MACROD2: variants seen among roughly 807,000 people sequenced by gnomAD.
MACROD2 encodes the protein ADP-ribose glycohydrolase MACROD2.
In MACROD2, 36 loss-of-function variants were observed where a neutral mutation model predicts 70.4. The ratio of observed to expected loss-of-function variants is 0.51; its 90% CI spans 0.39 to 0.68. MACROD2 has a LOEUF of 0.68. Among genes scored for constraint, MACROD2 ranks in the 30% least tolerant of loss-of-function variants. The probability of loss-of-function intolerance (pLI) is 0.00; values close to 1 mark genes in which losing one functional copy is unlikely to be tolerated. For synonymous variants in MACROD2, 172 were observed against 178.8 expected, an observed-to-expected ratio of 0.96 and a Z score of 0.30; for missense variants, 496 against 538.4, an observed-to-expected ratio of 0.92 and a Z score of 0.78.
chr20:14,720,536 C>CTTTT (rs753673265), intron 5 of MACROD2, among the ~76,000 whole-genome samples: 550 of 35,930 alleles, frequency 0.015, 146 homozygotes, highest in African/African-American at 0.038. Flanking sequence ...TGCCCCACAA[C>CTTTT]TTTTTTTTTT....
At chr20:14,482,845 G>T (rs1362636095) in intron 3 of MACROD2, among the ~76,000 whole-genome samples, 1 of 152,244 alleles carries the variant, frequency 6.6e-6, no homozygotes, top group African/African-American at 2.4e-5. Context: ...TATGGAACTT[G>T]GCTTCTCTTA....
intron 3 of MACROD2, among the ~76,000 whole-genome samples, chr20:14,461,305 T>C (rs929651262): frequency 6.6e-6 from 1 of 152,074 alleles, no homozygotes; most frequent in Non-Finnish European, 1.5e-5. Flanking sequence ...GTCTATTTGA[T>C]TCTTCTGTCT....
At chr20:15,260,425 A>C (rs931336258) in intron 6 of MACROD2, among the ~76,000 whole-genome samples, 1 of 151,748 alleles carries the variant, frequency 6.6e-6, no homozygotes, top group Non-Finnish European at 1.5e-5. Context: ...ACTTAATAGA[A>C]TGTCCTCCAG....
chr20:14,179,470 G>A (rs62208176), intron 3 of MACROD2, among the ~76,000 whole-genome samples: 1 of 151,942 alleles, frequency 6.6e-6, no homozygotes, highest in Non-Finnish European at 1.5e-5. Flanking sequence ...TTCATTGTTA[G>A]CAGATAAATG....
intron 8 of MACROD2, among the ~76,000 whole-genome samples, chr20:15,735,216 C>T (rs1381604168): frequency 6.6e-6 from 1 of 152,150 alleles, no homozygotes; most frequent in East Asian, 1.9e-4. Context: ...TTGCCTCGGC[C>T]TCCCAAAGTG....
intron 5 of MACROD2, among the ~76,000 whole-genome samples, chr20:14,917,650 T>TA (rs1194205004): frequency 1.3e-5 from 2 of 151,432 alleles, no homozygotes; most frequent in African/African-American, 4.9e-5. Flanking sequence ...CAAACAGCAA[T>TA]AACATTGAGA....
intron 6 of MACROD2, among the ~76,000 whole-genome samples, chr20:15,414,119 T>A (rs982885286): frequency 1.3e-5 from 2 of 152,132 alleles, no homozygotes; most frequent in Non-Finnish European, 1.5e-5. Context: ...TTTCTTTCAC[T>A]TTTACTGCCA....
intron 5 of MACROD2, among the ~76,000 whole-genome samples, chr20:14,761,803 C>T (rs570070576): frequency 4.6e-5 from 7 of 152,220 alleles, no homozygotes; most frequent in Non-Finnish European, 8.8e-5. Flanking sequence ...TTGTAGTCCC[C>T]GCACATAAAC....
At chr20:14,001,577 A>G (rs2052733280) in intron 1 of MACROD2, among the ~76,000 whole-genome samples, 1 of 152,124 alleles carries the variant, frequency 6.6e-6, no homozygotes, top group Non-Finnish European at 1.5e-5. Context: ...CAGTTGCTGT[A>G]AAGAAATGCC....
chr20:15,820,536 A>G (rs2063928577), intron 8 of MACROD2, among the ~76,000 whole-genome samples: 2 of 152,150 alleles, frequency 1.3e-5, no homozygotes, highest in Admixed American at 1.3e-4. Flanking sequence ...TTTTTAGAAG[A>G]TGGGCTGTGT....
At chr20:15,296,801 G>A (rs2077593874) in intron 6 of MACROD2, among the ~76,000 whole-genome samples, 1 of 152,196 alleles carries the variant, frequency 6.6e-6, no homozygotes, top group Non-Finnish European at 1.5e-5. Context: ...CAAATAAATG[G>A]CAACTCCATA....
chr20:15,250,681 C>T (rs2077147746), intron 6 of MACROD2, among the ~76,000 whole-genome samples: 1 of 152,150 alleles, frequency 6.6e-6, no homozygotes, highest in African/African-American at 2.4e-5. Context: ...GGGGGATCTT[C>T]CTTCTCCCTT....
chr20:14,032,150 AT>A (rs2053253272), intron 2 of MACROD2, among the ~76,000 whole-genome samples: 1 of 151,834 alleles, frequency 6.6e-6, no homozygotes, highest in African/African-American at 2.4e-5. Context: ...TGATGATCTC[AT>A]TATTTTTTAA....
At chr20:14,451,540 A>C (rs1600250295) in intron 3 of MACROD2, among the ~76,000 whole-genome samples, 1 of 152,170 alleles carries the variant, frequency 6.6e-6, no homozygotes, top group African/African-American at 2.4e-5. Context: ...AATGCAGAAC[A>C]TGTGCCTTGG....
rs922957002 is a variant in MACROD2, at chr20:15,444,389, C to T, written c.571+12954C>T. On this transcript the variant is annotated intron_variant, in intron 7 of 17. Coordinates refer to ENST00000684519, the MANE Select transcript of MACROD2 (RefSeq NM_001351661.2). ...AAGCATAATTACATCGCTAAATATA[C>T]GCACTATAAATGTAAAACAGTGGTG... Among the ~76,000 whole-genome samples the T allele has an allele frequency of 4.6e-5, 7 of 152,256 alleles. No individual in the cohort carries two copies. The East Asian group carries it at 5.8e-4, about 13-fold the overall frequency.
intron 8 of MACROD2, among the ~76,000 whole-genome samples, chr20:15,516,056 T>G (rs1005517341): frequency 2.0e-5 from 3 of 152,214 alleles, no homozygotes; most frequent in African/African-American, 7.2e-5. Flanking sequence ...CCTGCTTTGC[T>G]TTCTCTTTTC....
chr20:14,228,252 A>G (rs1247731086), intron 3 of MACROD2, among the ~76,000 whole-genome samples: 1 of 151,900 alleles, frequency 6.6e-6, no homozygotes. Context: ...ACAATTAGGG[A>G]ATCTGGAAGT....
chr20:14,991,435 A>T (rs1317887479), intron 5 of MACROD2, among the ~76,000 whole-genome samples: 1 of 152,182 alleles, frequency 6.6e-6, no homozygotes, highest in African/African-American at 2.4e-5. Flanking sequence ...TGCACTGAAT[A>T]TCCTTAGCCC....
chr20:14,885,961 A>C (rs2073670136), intron 5 of MACROD2, among the ~76,000 whole-genome samples: 1 of 152,236 alleles, frequency 6.6e-6, no homozygotes, highest in South Asian at 2.1e-4. Context: ...CAGTGAGCAA[A>C]ATAAATAAAA....
Sources: allele counts gnomAD v4.1 joint callset (sites outside exome capture counted in the v4.1 genomes callset), GRCh38; gene constraint gnomAD v4.1.1; transcripts MANE v1.5; gene names NCBI Gene and HGNC (gene_info 2026-07-23, HGNC 2026-07-21).